The following IL10RB variants were observed in gnomAD, a reference collection of about 807,000 sequenced individuals.
IL10RB encodes interleukin-10 receptor subunit beta.
IL10RB carries 30 observed loss-of-function variants against 38.7 expected under a neutral mutation model. The observed-to-expected ratio is 0.78, with a 90% CI of 0.58 to 1.05. The LOEUF (loss-of-function observed/expected upper bound fraction) is 1.05, where lower values mean the gene tolerates loss of function less well. Among genes scored for constraint, IL10RB ranks in the 50% least tolerant of loss-of-function variants. The probability of loss-of-function intolerance (pLI) is 0.00; values close to 1 mark genes in which losing one functional copy is unlikely to be tolerated. For synonymous variants in IL10RB, 142 were observed against 145.9 expected (o/e 0.97, Z 0.19); for missense variants, 328 against 397.1 (o/e 0.83, Z 1.48).
At chr21:33,300,491 T>A (rs2082983203), downstream of IL10RB, among the ~76,000 whole-genome samples, 1 of 150,436 alleles carries the variant, frequency 6.6e-6, no homozygotes, top group Admixed American at 6.6e-5. Context: ...ACATGACAAT[T>A]ATACATGCAG....
At chr21:33,279,637 T>C (rs756477519) in intron 3 of IL10RB, 115 bp from the exon 4 acceptor site, 135 of 857,966 alleles carry the variant, frequency 1.6e-4, no homozygotes, top group Non-Finnish European at 2.4e-4. Context: ...ATGACAATAG[T>C]ATATCAAAGC....
intron 3 of IL10RB, among the ~76,000 whole-genome samples, chr21:33,277,668 C>CTTTTTTTTTTTTTTTTTT (rs1216043179): frequency 1.1e-5 from 1 of 92,980 alleles, no homozygotes; most frequent in African/African-American, 4.3e-5. Context: ...TTCTTTCTTT[C>CTTTTTTTTTTTTTTTTTT]TTTTTTTTTT....
At chr21:33,284,320 A>G (rs2123586368) in intron 5 of IL10RB, among the ~76,000 whole-genome samples, 1 of 152,112 alleles carries the variant, frequency 6.6e-6, no homozygotes, top group Non-Finnish European at 1.5e-5. Context: ...AAAGAAAAGA[A>G]AACATTTCAA....
At chr21:33,278,360 G>A (rs1310953304) in intron 3 of IL10RB, among the ~76,000 whole-genome samples, 1 of 152,094 alleles carries the variant, frequency 6.6e-6, no homozygotes, top group East Asian at 1.9e-4. Flanking sequence ...TCCATCCCAA[G>A]CCTGGGTAAA....
chr21:33,300,218 T>C (rs552455157), downstream of IL10RB, among the ~76,000 whole-genome samples: 278 of 152,246 alleles, frequency 1.8e-3, 2 homozygotes, highest in African/African-American at 6.3e-3. Flanking sequence ...GGTGGGTGGA[T>C]CACCTGAGGT....
At chr21:33,296,124 G>A in intron 6 of IL10RB, 60 bp from the exon 7 acceptor site, 1 of 1,361,166 alleles carries the variant, frequency 7.3e-7, no homozygotes, top group Non-Finnish European at 1.1e-6. Context: ...AAAAATCTTT[G>A]TAAACCCAGA....
intron 1 of IL10RB, among the ~76,000 whole-genome samples, chr21:33,303,355 T>TC (rs1301825151): frequency 6.9e-6 from 1 of 144,824 alleles, no homozygotes; most frequent in Non-Finnish European, 1.5e-5. Flanking sequence ...ACTTTCTTTT[T>TC]TTTTTTTTTT....
chr21:33,283,506 G>A (rs1224991720), intron 5 of IL10RB, among the ~76,000 whole-genome samples: 2 of 152,050 alleles, frequency 1.3e-5, no homozygotes, highest in Non-Finnish European at 1.5e-5. Flanking sequence ...GCCCCCCTTG[G>A]CAGTACTTAT....
intron 2 of IL10RB, 82 bp from the exon 3 acceptor site, chr21:33,276,514 C>G (rs779116421): frequency 7.5e-4 from 841 of 1,114,640 alleles, no homozygotes; most frequent in South Asian, 1.5e-3. Context: ...GCGCCGCCCC[C>G]CCCTCCAAAT....
chr21:33,306,832 A>AT (rs1464186456), intron 1 of IL10RB, among the ~76,000 whole-genome samples: 3 of 152,078 alleles, frequency 2.0e-5, no homozygotes. Context: ...GCCCAACAAC[A>AT]TTGTTAGCTG....
intron 5 of IL10RB, among the ~76,000 whole-genome samples, chr21:33,284,160 G>T (rs1365512484): frequency 6.6e-6 from 1 of 152,018 alleles, no homozygotes; most frequent in Non-Finnish European, 1.5e-5. Context: ...GCCAGGTGTG[G>T]TGGCGCACAC....
chr21:33,272,680 C>G (rs1989102633), intron 2 of IL10RB, among the ~76,000 whole-genome samples: 1 of 152,224 alleles, frequency 6.6e-6, no homozygotes, highest in Non-Finnish European at 1.5e-5. Context: ...CTCCTGGGCT[C>G]AAGTGATCCT....
intron 1 of IL10RB, chr21:33,308,442 A>T (rs1276357854): frequency 1.3e-5 from 2 of 152,222 alleles, no homozygotes; most frequent in Non-Finnish European, 2.9e-5. Context: ...AAAGCATGAG[A>T]TTGCTGTTTT....
At chr21:33,307,645 C>T (rs541441545) in intron 1 of IL10RB, among the ~76,000 whole-genome samples, 30 of 152,294 alleles carry the variant, frequency 2.0e-4, no homozygotes, top group East Asian at 7.7e-4. Context: ...TCTCAGAGCC[C>T]GTGCATATGC....
At chr21:33,269,831 T>C (rs1989043737) in intron 2 of IL10RB, among the ~76,000 whole-genome samples, 2 of 152,110 alleles carry the variant, frequency 1.3e-5, no homozygotes, top group Admixed American at 6.5e-5. Context: ...GCTAATTTTT[T>C]GTATTTTTAG....
chr21:33,268,612 C>T (rs541451032), intron 2 of IL10RB, 95 bp downstream of exon 2: 57 of 892,760 alleles, frequency 6.4e-5, no homozygotes, highest in Middle Eastern at 6.4e-4. Context: ...AGTCTGACTA[C>T]GGTCACCGTG....
chr21:33,302,586 C>T (rs1035367605), intron 1 of IL10RB, among the ~76,000 whole-genome samples: 1 of 152,174 alleles, frequency 6.6e-6, no homozygotes, highest in African/African-American at 2.4e-5. Context: ...TTGGGAAGAC[C>T]TGTTGCCGCA....
intron 4 of IL10RB, among the ~76,000 whole-genome samples, chr21:33,281,619 G>A (rs144058766): frequency 1.8e-4 from 27 of 152,248 alleles, no homozygotes; most frequent in Admixed American, 7.8e-4. Flanking sequence ...ACAGTCTGTC[G>A]TTGCCCAGGC....
chr21:33,307,711 C>T (rs1375075239), intron 1 of IL10RB, among the ~76,000 whole-genome samples: 6 of 152,164 alleles, frequency 3.9e-5, no homozygotes, highest in African/African-American at 9.7e-5. Context: ...TGTGTCATTG[C>T]GTCCAGTGTC....
Sources: gnomAD v4.1 joint callset for allele counts (sites outside exome capture counted in the v4.1 genomes callset) on GRCh38, gnomAD v4.1.1 for gene constraint, MANE v1.5 for transcripts, NCBI Gene and HGNC (gene_info 2026-07-23, HGNC 2026-07-21) for gene names.